The following TMEM131L variants were observed in gnomAD, a reference collection of about 807,000 sequenced individuals.
TMEM131L encodes transmembrane protein 131-like.
Under a neutral mutation model 192.2 loss-of-function variants are expected in TMEM131L, and 54 were observed. The observed-to-expected ratio is 0.28, with a 90% CI of 0.23 to 0.35. The LOEUF (loss-of-function observed/expected upper bound fraction) is 0.35. Ranked by LOEUF, TMEM131L falls within the 10% of genes least tolerant of loss-of-function variation. The probability of loss-of-function intolerance (pLI) is 1.00; values close to 1 mark genes in which losing one functional copy is unlikely to be tolerated. For missense variants in TMEM131L, 1,888 were observed against 1,972.9 expected (o/e 0.96, Z 0.82); for synonymous variants, 701 against 704.9 (o/e 0.99, Z 0.09).
chr4:153,503,712 AG>A (rs1733764531), intron 3 of TMEM131L, among the ~76,000 whole-genome samples: 1 of 152,190 alleles, frequency 6.6e-6, no homozygotes, highest in South Asian at 2.1e-4. Context: ...TTTTACCAGA[AG>A]CAGAATGAGG....
chr4:153,588,432 AG>A, intron 15 of TMEM131L, among the ~76,000 whole-genome samples: 1 of 150,462 alleles, frequency 6.6e-6, no homozygotes, highest in South Asian at 2.1e-4. Context: ...GGTGAACAAT[AG>A]ACCAGTTATA....
At chr4:153,509,886 T>A (rs1410673937) in intron 3 of TMEM131L, among the ~76,000 whole-genome samples, 2 of 152,140 alleles carry the variant, frequency 1.3e-5, no homozygotes, top group Non-Finnish European at 2.9e-5. Context: ...AATCGCTGCG[T>A]CGGGATTGCT....
intron 21 of TMEM131L, among the ~76,000 whole-genome samples, chr4:153,598,964 T>C (rs1731640370): frequency 6.6e-6 from 1 of 152,188 alleles, no homozygotes; most frequent in African/African-American, 2.4e-5. Context: ...ACTTAGATAA[T>C]AGACATAAGT....
intron 3 of TMEM131L, among the ~76,000 whole-genome samples, chr4:153,480,459 G>A (rs1408701924): frequency 6.8e-6 from 1 of 146,426 alleles, no homozygotes; most frequent in Non-Finnish European, 1.5e-5. Context: ...GGTGGAGGTT[G>A]CAGTGAGCTG....
chr4:153,594,143 A>G lies in TMEM131L; in HGVS notation c.1995+272A>G, dbSNP rs993680247. 3.9e-5 allele frequency among the ~76,000 whole-genome samples: 6 copies of G among 152,198 alleles called. No homozygotes were observed. In the East Asian group the frequency reaches 1.2e-3, roughly 29 times the overall value. On this transcript the variant is annotated intron_variant, in intron 19 of 34. Coordinates refer to ENST00000409959, the MANE Select transcript of TMEM131L (RefSeq NM_001131007.2). ...GTTGAACAGAGCTTTGTAGAAAACC[A>G]TGAAACTTGAGACCCCAGAATTTAT...
chr4:153,574,247 G>A (rs147730256), intron 7 of TMEM131L, among the ~76,000 whole-genome samples: 1 of 152,196 alleles, frequency 6.6e-6, no homozygotes, highest in Non-Finnish European at 1.5e-5. Flanking sequence ...GCAAATGTTT[G>A]CATGAGTGGG....
At chr4:153,496,131 G>T (rs1449816547) in intron 3 of TMEM131L, among the ~76,000 whole-genome samples, 2 of 152,294 alleles carry the variant, frequency 1.3e-5, no homozygotes, top group South Asian at 4.1e-4. Flanking sequence ...CAGAGTTGGG[G>T]CATCAAAATA....
intron 3 of TMEM131L, among the ~76,000 whole-genome samples, chr4:153,518,178 G>GT (rs1734865565): frequency 6.6e-6 from 1 of 152,188 alleles, no homozygotes; most frequent in East Asian, 1.9e-4. Flanking sequence ...AGGTCAGTCA[G>GT]CAGGTGCTTG....
intron 7 of TMEM131L, among the ~76,000 whole-genome samples, chr4:153,568,290 C>T (rs1361659212): frequency 2.0e-5 from 3 of 152,174 alleles, no homozygotes; most frequent in Non-Finnish European, 4.4e-5. Flanking sequence ...TCTCCCTCCC[C>T]TCACTTTTGT....
intron 25 of TMEM131L, among the ~76,000 whole-genome samples, chr4:153,607,995 C>T (rs945440671): frequency 9.2e-5 from 14 of 152,030 alleles, no homozygotes; most frequent in African/African-American, 3.4e-4. Flanking sequence ...TGAGCATGGG[C>T]CTGTGGTCCC....
chr4:153,484,404 G>A (rs1309622896), intron 3 of TMEM131L, among the ~76,000 whole-genome samples: 1 of 151,544 alleles, frequency 6.6e-6, no homozygotes. Flanking sequence ...CTTTCTCAAT[G>A]TTTTCTCCCA....
intron 7 of TMEM131L, among the ~76,000 whole-genome samples, chr4:153,578,679 C>T (rs944211182): frequency 2.0e-5 from 3 of 152,144 alleles, no homozygotes; most frequent in Non-Finnish European, 4.4e-5. Context: ...CGCCACCACA[C>T]CCAGCTAATT....
intron 27 of TMEM131L, 47 bp downstream of exon 27, chr4:153,620,927 T>C (rs774151386): frequency 1.0e-5 from 15 of 1,495,394 alleles, no homozygotes; most frequent in African/African-American, 2.9e-5. Context: ...TTTTTCACTT[T>C]ATAATTTTGC....
rs1278953423 is a variant in TMEM131L, at chr4:153,603,392, C to T, written c.2729C>T (p.Ala910Val). 6.2e-7 allele frequency: 1 copy of T among 1,613,902 alleles called. No individual in the cohort carries two copies. The highest frequency in any genetic ancestry group is 2.2e-5 in the East Asian group (1 of 44,882). Residue 910 changes from alanine (A) to valine (V), a missense_variant, in exon 24 of 35, where the codon GCT becomes GTT. Coordinates refer to ENST00000409959, the MANE Select transcript of TMEM131L (RefSeq NM_001131007.2). Reference sequence around the variant, plus strand: ...ATGAAAACAAGACAGAGGCAAAATGCTAGCTCCTCTTCACAGCAAAACAAT... The same window carrying T: ...ATGAAAACAAGACAGAGGCAAAATGTTAGCTCCTCTTCACAGCAAAACAAT... ...EFMKTRQRQN[A>V]SSSSQQNNGP...
Position 153,482,544 on chromosome 4 carries a change from A to G in TMEM131L, c.239+8656A>G, listed in dbSNP as rs543197255. ...ATCAGAAAAATAGTACAGTAAGATC[A>G]GAATACTAATTTTGGTTTTCATTGA... On this transcript the variant is annotated intron_variant, in intron 3 of 34. Coordinates refer to ENST00000409959, the MANE Select transcript of TMEM131L (RefSeq NM_001131007.2). 4.9e-4 allele frequency among the ~76,000 whole-genome samples: 74 copies of G among 152,316 alleles called. 1 individual carries two copies. The highest frequency in any genetic ancestry group is 1.5e-3 in the African/African-American group (62 of 41,574).
chr4:153,578,976 T>A (rs1730155704), intron 7 of TMEM131L, among the ~76,000 whole-genome samples: 2 of 152,176 alleles, frequency 1.3e-5, no homozygotes, highest in Admixed American at 1.3e-4. Flanking sequence ...CTCTTTTAAT[T>A]TTAAAGATAA....
At chr4:153,514,678 G>A (rs1296082475) in intron 3 of TMEM131L, among the ~76,000 whole-genome samples, 1 of 152,050 alleles carries the variant, frequency 6.6e-6, no homozygotes. Context: ...GCTGGTAAGT[G>A]TAATGCCTGT....
At chr4:153,628,034 C>T (rs1452978993) in intron 31 of TMEM131L, among the ~76,000 whole-genome samples, 3 of 152,222 alleles carry the variant, frequency 2.0e-5, no homozygotes, top group African/African-American at 4.8e-5. Flanking sequence ...AAGGTAGATG[C>T]GTGGCCCAAG....
At position 153,490,680 on chromosome 4, in the gene TMEM131L, G is replaced by A. The variant is rs535563413; in HGVS notation, c.239+16792G>A. On this transcript the variant is annotated intron_variant, in intron 3 of 34. Transcript: ENST00000409959. ...CTAGATTTAAAAAATGAGCGGCCGGGCGTGGGGGCTCATGCCTGTAATCCC... is the reference window on the plus strand; with the variant it reads ...CTAGATTTAAAAAATGAGCGGCCGGACGTGGGGGCTCATGCCTGTAATCCC... Among the ~76,000 whole-genome samples, 5 of 152,210 alleles carry A rather than the reference G, an allele frequency of 3.3e-5. No individual in the cohort carries two copies. The South Asian group carries it at 1.0e-3, about 32-fold the overall frequency.
Sources: gnomAD v4.1 joint callset for allele counts (sites outside exome capture counted in the v4.1 genomes callset) on GRCh38, gnomAD v4.1.1 for gene constraint, MANE v1.5 for transcripts, NCBI Gene and HGNC (gene_info 2026-07-23, HGNC 2026-07-21) for gene names.